The following SRGAP1 variants were observed in gnomAD, a reference collection of about 807,000 sequenced individuals.
The protein encoded by SRGAP1 is SLIT-ROBO Rho GTPase activating protein 1.
In SRGAP1, 43 loss-of-function variants were observed where a neutral mutation model predicts 121.9. That is an observed-to-expected ratio of 0.35 (90% CI 0.28 to 0.46). The LOEUF (loss-of-function observed/expected upper bound fraction) is 0.46, where lower values mean the gene tolerates loss of function less well. SRGAP1 is among the 20% of genes least tolerant of loss of function. The pLI, the probability that SRGAP1 is intolerant of heterozygous loss-of-function variation, is 1.00. For synonymous variants in SRGAP1, 447 were observed against 485.4 expected (o/e 0.92, Z 1.04); for missense variants, 1,102 against 1,350.9 (o/e 0.82, Z 2.89).
rs76078723 is a variant in SRGAP1, at chr12:64,039,042, T to G, written c.490-3748T>G. On this transcript the variant is annotated intron_variant, in intron 4 of 21. Transcript: ENST00000355086. ...TGTTATTTTAAACACAAAATACATTTGACTTCTGTCAACAGCTTACATTTT... is the reference window on the plus strand; with the variant it reads ...TGTTATTTTAAACACAAAATACATTGGACTTCTGTCAACAGCTTACATTTT... 2.7e-4 allele frequency: 41 copies of G among 152,358 alleles called. No homozygotes were observed. In the East Asian group the frequency reaches 6.9e-3, roughly 26 times the overall value. The allele number at this position is 152,358 out of a possible 1,614,324, so 9.4% of individuals were successfully genotyped here.
Position 64,151,165 on chromosome 12 carries a change from CCAAA to C in SRGAP1, c.*8496_*8499del. On this transcript the variant is annotated 3_prime_UTR_variant, in exon 22 of 22. Transcript: ENST00000355086. The stretch of plus-strand genomic sequence containing the variant: ...AAATACCAACCCATGCCTCCATTTC[CCAAA>C]CAGAAATAATAATATGAACATCTTA... 1 of 151,996 alleles carries C rather than the reference CCAAA, an allele frequency of 6.6e-6. No individual in the cohort carries two copies. The highest frequency in any genetic ancestry group is 3.4e-3 in the Middle Eastern group (1 of 294). The allele number at this position is 151,996 out of a possible 1,614,324, so 9.4% of individuals were successfully genotyped here. A position where few individuals can be genotyped will look rare whatever the true frequency, so the allele number is the denominator to read the frequency against.
intron 1 of SRGAP1, among the ~76,000 whole-genome samples, chr12:63,870,533 ATTTTTTT>A (rs1216674448): frequency 3.9e-4 from 39 of 100,806 alleles, no homozygotes; most frequent in Non-Finnish European, 4.9e-4. Flanking sequence ...CCCTATCTTG[ATTTTTTT>A]TTTTTTTTTT....
intron 1 of SRGAP1, among the ~76,000 whole-genome samples, chr12:63,917,691 A>G (rs2030849195): frequency 6.6e-6 from 1 of 152,028 alleles, no homozygotes; most frequent in Non-Finnish European, 1.5e-5. Context: ...TCTAATTACT[A>G]TTTGAATATG....
chr12:64,000,279 A>AGTGT (rs1161739912), intron 3 of SRGAP1, among the ~76,000 whole-genome samples: 1 of 107,082 alleles, frequency 9.3e-6, no homozygotes, highest in Non-Finnish European at 2.1e-5. Flanking sequence ...TGTGTGTAAA[A>AGTGT]AAAAAAAACC....
At chr12:64,084,481 A>G (rs2035904159) in intron 10 of SRGAP1, among the ~76,000 whole-genome samples, 1 of 152,110 alleles carries the variant, frequency 6.6e-6, no homozygotes, top group Non-Finnish European at 1.5e-5. Flanking sequence ...TGTGTTATTG[A>G]TCTATTAATG....
chr12:64,042,729 C>A, intron 4 of SRGAP1, 61 bp from the exon 5 acceptor site: 1 of 1,353,800 alleles, frequency 7.4e-7, no homozygotes, highest in Non-Finnish European at 1.0e-6. Flanking sequence ...ATAAATGGTT[C>A]CCATTCACTC....
At chr12:63,868,016 G>T (rs1430490530) in intron 1 of SRGAP1, among the ~76,000 whole-genome samples, 1 of 126,668 alleles carries the variant, frequency 7.9e-6, no homozygotes, top group Non-Finnish European at 1.6e-5. Context: ...GAATCTCAAG[G>T]GCTGATAAAT....
chr12:63,936,109 C>G (rs938468503), intron 1 of SRGAP1, among the ~76,000 whole-genome samples: 2 of 149,658 alleles, frequency 1.3e-5, no homozygotes, highest in Non-Finnish European at 2.9e-5. Flanking sequence ...GTTATAATAA[C>G]AGTTATTTTT....
Position 64,111,955 on chromosome 12 carries a change from T to A in SRGAP1, c.2113T>A (p.Tyr705Asn). 1 of 1,614,016 alleles carries A rather than the reference T, an allele frequency of 6.2e-7. No homozygotes were observed. Among genetic ancestry groups the A allele is most frequent in the Non-Finnish European group, 8.5e-7 (1 of 1,179,928 alleles). Residue 705 changes from tyrosine (Y) to asparagine (N), a missense_variant, in exon 17 of 22, where the codon TAT (tyrosine) becomes AAT (asparagine). Tyr to Asn is a moderately radical substitution (Grantham distance 143). This residue lies in a region of SRGAP1 where 747 missense variants were observed against 929.4 expected (regional missense o/e 0.80). Coordinates refer to ENST00000355086, the MANE Select transcript of SRGAP1 (RefSeq NM_020762.4). ...TGCTAAAGAGCTGGATGGCCCTGTTTATGAGAAATGTATGGCTGGAGATGA... is the reference window on the plus strand; with the variant it reads ...TGCTAAAGAGCTGGATGGCCCTGTTAATGAGAAATGTATGGCTGGAGATGA... ...PDAKELDGPVYEKCMAGDDYC... is the reference protein window; with the variant it reads ...PDAKELDGPVNEKCMAGDDYC...
chr12:64,030,151 A>G (rs1303572855), intron 4 of SRGAP1, among the ~76,000 whole-genome samples: 1 of 152,238 alleles, frequency 6.6e-6, no homozygotes, highest in Non-Finnish European at 1.5e-5. Flanking sequence ...TTTATAAAAA[A>G]TTATGAACTA....
At chr12:63,855,486 T>G (rs1329675537) in intron 1 of SRGAP1, among the ~76,000 whole-genome samples, 6 of 121,914 alleles carry the variant, frequency 4.9e-5, no homozygotes, top group East Asian at 2.3e-4. Context: ...TTTTTTTTTT[T>G]TTTTTTTTTT....
intron 1 of SRGAP1, among the ~76,000 whole-genome samples, chr12:63,919,499 C>T (rs866904000): frequency 3.0e-5 from 4 of 134,186 alleles, no homozygotes; most frequent in African/African-American, 9.2e-5. Context: ...CTTAACATTA[C>T]ATATATATAT....
At chr12:63,864,120 TA>T (rs1439720672) in intron 1 of SRGAP1, among the ~76,000 whole-genome samples, 1 of 152,172 alleles carries the variant, frequency 6.6e-6, no homozygotes, top group African/African-American at 2.4e-5. Flanking sequence ...AAACTTAATT[TA>T]ATAGTATTCT....
intron 15 of SRGAP1, among the ~76,000 whole-genome samples, chr12:64,108,015 G>A (rs2036373013): frequency 6.6e-6 from 1 of 152,168 alleles, no homozygotes; most frequent in African/African-American, 2.4e-5. Flanking sequence ...CTGACCTTGG[G>A]TATGCCACTT....
At chr12:63,999,280 A>G (rs2033806737) in intron 3 of SRGAP1, among the ~76,000 whole-genome samples, 1 of 152,198 alleles carries the variant, frequency 6.6e-6, no homozygotes. Context: ...ATTAAAGGCC[A>G]TATTGAGGAG....
intron 15 of SRGAP1, among the ~76,000 whole-genome samples, chr12:64,102,511 T>G (rs746456133): frequency 2.0e-5 from 3 of 152,168 alleles, no homozygotes; most frequent in Non-Finnish European, 2.9e-5. Context: ...TAGTACATTT[T>G]TATTACCCCC....
chr12:64,091,978 C>T, intron 12 of SRGAP1: 24 of 1,434,466 alleles, frequency 1.7e-5, no homozygotes, highest in Non-Finnish European at 2.3e-5. Context: ...GTATCATTTT[C>T]AAGTCGTGCT....
At position 64,044,139 on chromosome 12, in the gene SRGAP1, A is replaced by C. The variant is rs185445247; in HGVS notation, c.801+564A>C. ...CTCATAGGATATGATATAAAAAAGC[A>C]GTAATTAGGTTTATTTAGAGCTCTC... On this transcript the variant is annotated intron_variant, in intron 6 of 21. Coordinates refer to ENST00000355086, the MANE Select transcript of SRGAP1 (RefSeq NM_020762.4). Among the ~76,000 whole-genome samples, 362 of 152,356 alleles carry C rather than the reference A, an allele frequency of 2.4e-3. 6 individuals carry two copies. Among genetic ancestry groups the C allele is most frequent in the African/African-American group, 8.5e-3 (353 of 41,590 alleles).
intron 8 of SRGAP1, among the ~76,000 whole-genome samples, chr12:64,074,794 A>C (rs1353810945): frequency 6.6e-6 from 1 of 152,196 alleles, no homozygotes; most frequent in African/African-American, 2.4e-5. Flanking sequence ...TTTTAAAAGT[A>C]TTATAAATAT....
Sources: gnomAD v4.1 joint callset for allele counts (sites outside exome capture counted in the v4.1 genomes callset) on GRCh38, gnomAD v4.1.1 for gene constraint, gnomAD v4.1.1 regional missense constraint, MANE v1.5 for transcripts, NCBI Gene and HGNC (gene_info 2026-07-23, HGNC 2026-07-21) for gene names.